Variants in CNTN6 observed in about 807,000 individuals in gnomAD.
CNTN6 encodes contactin-6.
A neutral mutation model predicts 122.8 loss-of-function variants in CNTN6; 137 were observed. The observed-to-expected ratio is 1.12, with a 90% CI of 0.97 to 1.29. CNTN6 has a LOEUF of 1.29. Ranked by LOEUF, CNTN6 falls within the 50% of genes most tolerant of loss-of-function variation. The pLI, the probability that CNTN6 is intolerant of heterozygous loss-of-function variation, is 0.00. For synonymous variants in CNTN6, 570 were observed against 426.0 expected (o/e 1.34, Z -4.16); for missense variants, 1,634 against 1,223.4 (o/e 1.34, Z -5.01).
chr3:1,384,665 CCT>C (rs1491247295), intron 19 of CNTN6, among the ~76,000 whole-genome samples: 1 of 113,026 alleles, frequency 8.8e-6, no homozygotes, highest in Non-Finnish European at 1.8e-5. Flanking sequence ...CTTAATTTTG[CCT>C]ATATATATAT....
chr3:1,329,102 C>T (rs1021778213), intron 10 of CNTN6, among the ~76,000 whole-genome samples: 7 of 150,592 alleles, frequency 4.6e-5, no homozygotes, highest in African/African-American at 1.5e-4. Flanking sequence ...TGTGTATATA[C>T]GTATATATGT....
At chr3:1,177,513 A>T (rs1241458536) in intron 2 of CNTN6, among the ~76,000 whole-genome samples, 2 of 152,180 alleles carry the variant, frequency 1.3e-5, no homozygotes, top group African/African-American at 4.8e-5. Context: ...TCAAGATTCT[A>T]TCTAGCATCA....
intron 1 of CNTN6, among the ~76,000 whole-genome samples, chr3:1,142,966 GTGTATATATATA>G (rs1259344480): frequency 5.4e-4 from 52 of 96,630 alleles, no homozygotes; most frequent in African/African-American, 2.0e-3. Context: ...GTGTGTGTGT[GTGTATATATATA>G]TATATATATA....
At chr3:1,269,873 T>C (rs373119694) in intron 4 of CNTN6, among the ~76,000 whole-genome samples, 10 of 152,298 alleles carry the variant, frequency 6.6e-5, no homozygotes, top group African/African-American at 2.4e-5. Flanking sequence ...TCTCTACTTA[T>C]ATATAAATTT....
chr3:1,161,044 GGA>G (rs1251579373), intron 2 of CNTN6, among the ~76,000 whole-genome samples: 2 of 151,818 alleles, frequency 1.3e-5, no homozygotes, highest in East Asian at 3.9e-4. Context: ...ATCATATCAT[GGA>G]AACTACTGTG....
At chr3:1,094,787 G>C (rs1393087991) in intron 1 of CNTN6, among the ~76,000 whole-genome samples, 5 of 151,834 alleles carry the variant, frequency 3.3e-5, no homozygotes, top group Admixed American at 2.6e-4. Flanking sequence ...AAGTAAAAAT[G>C]CTCAGTAGTA....
intron 12 of CNTN6, among the ~76,000 whole-genome samples, chr3:1,370,236 A>C (rs1419775792): frequency 6.7e-6 from 1 of 149,968 alleles, no homozygotes; most frequent in African/African-American, 2.5e-5. Context: ...CTTTTTTTTT[A>C]ATTTTATTAT....
chr3:1,255,056 C>A (rs9817654), intron 4 of CNTN6, among the ~76,000 whole-genome samples: 2,066 of 152,224 alleles, frequency 0.014, 45 homozygotes, highest in African/African-American at 0.046. Flanking sequence ...CACATGGCCT[C>A]TCATGCTCCA....
intron 4 of CNTN6, among the ~76,000 whole-genome samples, chr3:1,268,434 C>A (rs977697915): frequency 1.3e-5 from 2 of 151,962 alleles, no homozygotes; most frequent in African/African-American, 4.8e-5. Flanking sequence ...GGTGAAACCC[C>A]GTCTCTACTA....
At chr3:1,388,176 A>G (rs1385112500) in intron 20 of CNTN6, among the ~76,000 whole-genome samples, 1 of 151,288 alleles carries the variant, frequency 6.6e-6, no homozygotes, top group Non-Finnish European at 1.5e-5. Flanking sequence ...GACAGCTTTG[A>G]AGAGAGCACT....
intron 1 of CNTN6, among the ~76,000 whole-genome samples, chr3:1,124,812 G>T (rs1475310961): frequency 6.6e-6 from 1 of 151,760 alleles, no homozygotes. Flanking sequence ...ACTTTCCTTA[G>T]ACCAAATGAG....
At chr3:1,238,523 G>A (rs989350460) in intron 4 of CNTN6, among the ~76,000 whole-genome samples, 1 of 152,134 alleles carries the variant, frequency 6.6e-6, no homozygotes, top group African/African-American at 2.4e-5. Context: ...GACAGCACTA[G>A]ACAAGTCATC....
chr3:1,358,377 G>A (rs921576549), intron 12 of CNTN6, among the ~76,000 whole-genome samples: 43 of 151,622 alleles, frequency 2.8e-4, no homozygotes, highest in African/African-American at 8.9e-4. Flanking sequence ...TATTCTGACC[G>A]TAAAAGAAGC....
Position 1,384,794 on chromosome 3 carries a change from TATACACACACACACACAC to T in CNTN6, c.2518-813_2518-796del, listed in dbSNP as rs1692591428. The stretch of plus-strand genomic sequence containing the variant: ...ACACATATATATATATATATATATA[TATACACACACACACACAC>T]ATATATATATATATATATAACCATA... On this transcript the variant is annotated intron_variant, in intron 19 of 22. Transcript: ENST00000446702. Among the ~76,000 whole-genome samples, 6 of 107,136 alleles carry T rather than the reference TATACACACACACACACAC, an allele frequency of 5.6e-5. 1 individual carries two copies. Among genetic ancestry groups the T allele is most frequent in the Admixed American group, 3.9e-4 (4 of 10,290 alleles). The allele number at this position is 107,136 out of a possible 152,430, so 70.3% of individuals were successfully genotyped here. A position where few individuals can be genotyped will look rare whatever the true frequency, so the allele number is the denominator to read the frequency against.
At chr3:1,314,439 A>G (rs1051368610) in intron 7 of CNTN6, among the ~76,000 whole-genome samples, 20 of 152,102 alleles carry the variant, frequency 1.3e-4, no homozygotes, top group Admixed American at 1.2e-3. Context: ...AAAACTTAGT[A>G]TGGCTTGGAT....
chr3:1,356,430 A>G (rs1706567740), intron 12 of CNTN6, among the ~76,000 whole-genome samples: 1 of 151,698 alleles, frequency 6.6e-6, no homozygotes, highest in African/African-American at 2.4e-5. Flanking sequence ...CCAGCATTAC[A>G]GAGTGGCCTA....
intron 17 of CNTN6, among the ~76,000 whole-genome samples, chr3:1,382,214 C>G (rs1692002534): frequency 6.6e-6 from 1 of 151,864 alleles, no homozygotes; most frequent in South Asian, 2.1e-4. Flanking sequence ...AATTCAAGTA[C>G]AGATTCATTT....
At chr3:1,198,220 C>CA (rs979726946) in intron 2 of CNTN6, among the ~76,000 whole-genome samples, 8 of 151,602 alleles carry the variant, frequency 5.3e-5, no homozygotes, top group Non-Finnish European at 1.2e-4. Context: ...GGTATGCTAC[C>CA]AAAAAAAATA....
intron 4 of CNTN6, among the ~76,000 whole-genome samples, chr3:1,268,352 A>C (rs771812451): frequency 4.6e-5 from 7 of 152,138 alleles, no homozygotes; most frequent in African/African-American, 1.7e-4. Flanking sequence ...TCACGCTTGT[A>C]ATCCCAGCAC....
Sources: allele counts gnomAD v4.1 joint callset (sites outside exome capture counted in the v4.1 genomes callset), GRCh38; gene constraint gnomAD v4.1.1; transcripts MANE v1.5; gene names NCBI Gene and HGNC (gene_info 2026-07-23, HGNC 2026-07-21).